The following DLGAP2 variants were observed in gnomAD, a reference collection of about 807,000 sequenced individuals.
The protein encoded by DLGAP2 is disks large-associated protein 2.
In DLGAP2, 26 loss-of-function variants were observed where a neutral mutation model predicts 100.3. That is an observed-to-expected ratio of 0.26 (90% CI 0.19 to 0.36). The LOEUF (loss-of-function observed/expected upper bound fraction) is 0.36, where lower values mean the gene tolerates loss of function less well. DLGAP2 is among the 10% of genes least tolerant of loss of function. The pLI is 1.00. For synonymous variants in DLGAP2, 886 were observed against 630.1 expected (o/e 1.41, Z -6.08); for missense variants, 1,858 against 1,453.2 (o/e 1.28, Z -4.53).
intron 1 of DLGAP2, among the ~76,000 whole-genome samples, chr8:892,605 G>A (rs532174418): frequency 6.6e-6 from 1 of 152,326 alleles, no homozygotes; most frequent in Non-Finnish European, 1.5e-5. Context: ...AAAGAAAATG[G>A]AGGGTTTAGC....
chr8:1,481,361 A>G (rs1019814560), intron 3 of DLGAP2, among the ~76,000 whole-genome samples: 6 of 152,062 alleles, frequency 3.9e-5, no homozygotes, highest in African/African-American at 1.4e-4. Context: ...GTGGAGATAG[A>G]AAGATTTACA....
intron 1 of DLGAP2, among the ~76,000 whole-genome samples, chr8:856,282 G>A (rs556102429): frequency 7.0e-4 from 105 of 149,084 alleles, no homozygotes; most frequent in African/African-American, 2.3e-3. Flanking sequence ...TTCGCCTCCC[G>A]GGTTCAAGCA....
chr8:935,657 G>A (rs955133642), intron 2 of DLGAP2, among the ~76,000 whole-genome samples: 2 of 152,070 alleles, frequency 1.3e-5, no homozygotes, highest in Admixed American at 6.6e-5. Context: ...TGCCTCAGTC[G>A]TGTTCTGTCA....
chr8:1,430,471 T>G (rs995593992), intron 3 of DLGAP2, among the ~76,000 whole-genome samples: 1 of 152,182 alleles, frequency 6.6e-6, no homozygotes, highest in South Asian at 2.1e-4. Context: ...AAGCTGGTCT[T>G]CTAGCAGAAG....
Position 1,702,472 on chromosome 8 carries a change from G to A in DLGAP2, c.*1066G>A, listed in dbSNP as rs937485973. 1.3e-5 allele frequency: 2 copies of A among 152,474 alleles called. No individual in the cohort carries two copies. Among genetic ancestry groups the A allele is most frequent in the Non-Finnish European group, 2.9e-5 (2 of 68,026 alleles). 9.4% of individuals were successfully genotyped at this position (152,474 alleles called of 1,614,324 possible). ...GTGGTAAGTATATCTCAGTTTAAAT[G>A]GTAAAGAAGAAATGTAGTTTACATT... On this transcript the variant is annotated 3_prime_UTR_variant, in exon 15 of 15. Transcript: ENST00000637795.
rs971040513 is a variant in DLGAP2, at chr8:1,540,635, C to G, written c.173-7991C>G. 4.6e-5 allele frequency among the ~76,000 whole-genome samples: 7 copies of G among 152,320 alleles called. No individual in the cohort carries two copies. In the East Asian group the frequency reaches 1.2e-3, roughly 25 times the overall value. On this transcript the variant is annotated intron_variant, in intron 4 of 14. Coordinates refer to ENST00000637795, the MANE Select transcript of DLGAP2 (RefSeq NM_001346810.2). ...TGCACAGCTCTGCTGCCTTGCAGAC[C>G]ACTCCAGGGAGCTGCCGGGAGCTGG... is the stretch of plus-strand genomic sequence containing the variant.
At chr8:1,319,342 A>C (rs1387641916) in intron 3 of DLGAP2, among the ~76,000 whole-genome samples, 1 of 152,196 alleles carries the variant, frequency 6.6e-6, no homozygotes, top group Admixed American at 6.5e-5. Flanking sequence ...CTCAAATCCC[A>C]GATCAGAGGT....
chr8:1,490,047 G>A (rs552104792), intron 3 of DLGAP2, among the ~76,000 whole-genome samples: 2 of 150,946 alleles, frequency 1.3e-5, no homozygotes, highest in African/African-American at 4.9e-5. Context: ...ACCTGCCACC[G>A]CACCCGGCTA....
chr8:757,205 C>T (rs1820943562), intron 1 of DLGAP2, among the ~76,000 whole-genome samples: 1 of 152,120 alleles, frequency 6.6e-6, no homozygotes, highest in African/African-American at 2.4e-5. Context: ...AAAATTCTTC[C>T]CTCCCCTGAA....
intron 2 of DLGAP2, among the ~76,000 whole-genome samples, chr8:1,115,559 A>G (rs918709982): frequency 2.6e-5 from 4 of 152,212 alleles, no homozygotes; most frequent in Non-Finnish European, 5.9e-5. Flanking sequence ...TGCCTACCAC[A>G]CCATAGATGC....
intron 3 of DLGAP2, among the ~76,000 whole-genome samples, chr8:1,274,657 C>T (rs189790828): frequency 1.0e-5 from 1 of 96,500 alleles, no homozygotes; most frequent in East Asian, 3.1e-4. Flanking sequence ...AAATGAGTGA[C>T]TTTGGATTTG....
intron 1 of DLGAP2, among the ~76,000 whole-genome samples, chr8:765,755 A>G (rs931769223): frequency 6.6e-6 from 1 of 152,084 alleles, no homozygotes; most frequent in African/African-American, 2.4e-5. Context: ...TGTCTTTCCC[A>G]CTGTGGCACA....
chr8:865,044 G>A lies in DLGAP2; in HGVS notation c.19-42868G>A, dbSNP rs192980451. On this transcript the variant is annotated intron_variant, in intron 1 of 14. Coordinates refer to ENST00000637795, the MANE Select transcript of DLGAP2 (RefSeq NM_001346810.2). ...TGGAGTAACCTTGTTTCCATTCTCA[G>A]ATTTGGAAATGATATTGTTTTCAAT... Among the ~76,000 whole-genome samples the A allele has an allele frequency of 1.7e-3, 261 of 152,286 alleles. 1 individual carries two copies. Among genetic ancestry groups the A allele is most frequent in the African/African-American group, 5.9e-3 (245 of 41,558 alleles).
intron 10 of DLGAP2, among the ~76,000 whole-genome samples, chr8:1,674,015 G>T (rs1421296173): frequency 1.3e-5 from 2 of 152,126 alleles, no homozygotes; most frequent in African/African-American, 4.8e-5. Context: ...GTTCTTTAAA[G>T]TCTGTATTAT....
At chr8:860,109 T>G (rs1038215586) in intron 1 of DLGAP2, among the ~76,000 whole-genome samples, 5 of 152,228 alleles carry the variant, frequency 3.3e-5, no homozygotes, top group African/African-American at 1.2e-4. Context: ...GATAAATATT[T>G]CTGATTTTTG....
chr8:755,525 C>A (rs1363238621), intron 1 of DLGAP2, among the ~76,000 whole-genome samples: 1 of 152,182 alleles, frequency 6.6e-6, no homozygotes, highest in African/African-American at 2.4e-5. Flanking sequence ...TTAATTATAA[C>A]TGAGCTCTGA....
chr8:1,605,325 C>T (rs1259820835), intron 6 of DLGAP2, among the ~76,000 whole-genome samples: 2 of 152,150 alleles, frequency 1.3e-5, no homozygotes, highest in Non-Finnish European at 2.9e-5. Context: ...CTACTTGATT[C>T]GCACTTCCGT....
chr8:1,194,479 C>G lies in DLGAP2; in HGVS notation c.74-64372C>G, dbSNP rs1186821470. Among the ~76,000 whole-genome samples the G allele has an allele frequency of 3.9e-5, 6 of 152,266 alleles. No homozygotes were observed. In the East Asian group the frequency reaches 9.7e-4, roughly 25 times the overall value. Reference sequence around the variant, plus strand: ...GGAGGACGGCAGAGCTTCCCTCAGTCCCACTTTCCAGGTCATCCCCAGGGG... The same window carrying G: ...GGAGGACGGCAGAGCTTCCCTCAGTGCCACTTTCCAGGTCATCCCCAGGGG... On this transcript the variant is annotated intron_variant, in intron 2 of 14. Transcript: ENST00000637795.
chr8:1,523,018 G>C (rs1444028576), intron 4 of DLGAP2, among the ~76,000 whole-genome samples: 1 of 152,220 alleles, frequency 6.6e-6, no homozygotes, highest in Non-Finnish European at 1.5e-5. Context: ...ACCAGGGGCA[G>C]CTGGAGACTC....
Sources: gnomAD v4.1 joint callset for allele counts (sites outside exome capture counted in the v4.1 genomes callset) on GRCh38, gnomAD v4.1.1 for gene constraint, MANE v1.5 for transcripts, NCBI Gene and HGNC (gene_info 2026-07-23, HGNC 2026-07-21) for gene names.